The following TRAPPC9 variants were observed in gnomAD, a reference collection of about 807,000 sequenced individuals.
TRAPPC9 encodes trafficking protein particle complex subunit 9.
A neutral mutation model predicts 124.0 loss-of-function variants in TRAPPC9; 83 were observed. That is an observed-to-expected ratio of 0.67 (90% confidence interval 0.56 to 0.80). The LOEUF (loss-of-function observed/expected upper bound fraction) is 0.80, where lower values mean the gene tolerates loss of function less well. TRAPPC9 is among the 30% of genes least tolerant of loss of function. TRAPPC9 has a pLI of 0.00. For synonymous variants in TRAPPC9, 638 were observed against 617.5 expected, an observed-to-expected ratio of 1.03 and a Z score of -0.49; for missense variants, 1,302 against 1,508.3, an observed-to-expected ratio of 0.86 and a Z score of 2.27.
rs1208660556 is a variant in TRAPPC9, at chr8:140,300,576, G to A, written c.1661C>T (p.Pro554Leu). 5.6e-6 allele frequency: 9 copies of A among 1,614,226 alleles called. No homozygotes were observed. The highest frequency in any genetic ancestry group is 7.6e-6 in the Non-Finnish European group (9 of 1,180,042). Residue 554 changes from proline to leucine, a missense_variant, in exon 11 of 23, where the codon CCA (proline) becomes CTA (leucine). Around this residue, in one of 3 missense-constraint regions of TRAPPC9, gnomAD observed 657 missense variants for 811.2 expected, o/e 0.81. Transcript: ENST00000438773. ...ACCCAGCAAGCTTTTCATTTTGTGT[G>A]GCCGGAGGCTAGCAGGAAGGTTCAA... ...KLLNLPASLR[P>L]HKMKSLLGQN... is the part of the protein sequence containing the mutation.
At position 140,225,617 on chromosome 8, in the gene TRAPPC9, CCA is replaced by C. The variant is rs1255556665; in HGVS notation, c.2432-4036_2432-4035del. Among the ~76,000 whole-genome samples the C allele has an allele frequency of 3.9e-5, 6 of 152,300 alleles. No individual in the cohort carries two copies. The East Asian group carries it at 9.6e-4, about 24-fold the overall frequency. On this transcript the variant is annotated intron_variant, in intron 16 of 22. Coordinates refer to ENST00000438773, the MANE Select transcript of TRAPPC9 (RefSeq NM_001160372.4). ...CAGAGCCATGTGCAAAACGTAAACT[CCA>C]CATTTCTCTAGCATGTTACCCCAGG...
In TRAPPC9 at chr8:139,961,361, C is replaced by G; in HGVS notation, c.2810+27365G>C. Among the ~76,000 whole-genome samples the G allele has an allele frequency of 1.6e-5, 2 of 123,874 alleles. 1 individual carries two copies. Among genetic ancestry groups the G allele is most frequent in the Non-Finnish European group, 3.9e-5 (2 of 51,744 alleles). The allele number at this position is 123,874 out of a possible 152,430, so 81.3% of individuals were successfully genotyped here. Reference sequence around the variant, plus strand: ...ATACTCCATGGAGCCAGTGAGAGCCCCACCCCTTCTGAATTGGAGTGGGAG... The same window carrying G: ...ATACTCCATGGAGCCAGTGAGAGCCGCACCCCTTCTGAATTGGAGTGGGAG... On this transcript the variant is annotated intron_variant, in intron 19 of 22. Coordinates refer to ENST00000438773, the MANE Select transcript of TRAPPC9 (RefSeq NM_001160372.4).
chr8:140,082,478 A>C (rs765483916), intron 17 of TRAPPC9, among the ~76,000 whole-genome samples: 1 of 152,238 alleles, frequency 6.6e-6, no homozygotes, highest in Non-Finnish European at 1.5e-5. Context: ...TGAGAGGCGA[A>C]AGTGCCACCA....
chr8:139,896,396 G>C (rs556062330), intron 20 of TRAPPC9, among the ~76,000 whole-genome samples: 1 of 152,286 alleles, frequency 6.6e-6, no homozygotes, highest in South Asian at 2.1e-4. Context: ...TGCTGTGAAG[G>C]ATGCCCTGGG....
chr8:140,418,860 T>C (rs749974855), intron 5 of TRAPPC9, among the ~76,000 whole-genome samples: 1 of 152,138 alleles, frequency 6.6e-6, no homozygotes, highest in African/African-American at 2.4e-5. Flanking sequence ...TACAACATGA[T>C]CAAGTGGGAT....
intron 9 of TRAPPC9, among the ~76,000 whole-genome samples, chr8:140,342,515 T>A (rs1379215696): frequency 6.6e-6 from 1 of 152,200 alleles, no homozygotes; most frequent in African/African-American, 2.4e-5. Flanking sequence ...CTGCTGGGGT[T>A]TTATTCAATC....
rs969579465 is a variant in TRAPPC9, at chr8:139,742,316, C to T, written c.3056-10114G>A. 6.6e-6 allele frequency among the ~76,000 whole-genome samples: 1 copy of T among 152,254 alleles called. No homozygotes were observed. The highest frequency in any genetic ancestry group is 1.5e-5 in the Non-Finnish European group (1 of 68,048). ...GCTCCCTGTGCAGACAGCCCAGCTT[C>T]GCCCCACCAGCCTGGGACAGCTGTT... On this transcript the variant is annotated intron_variant, in intron 21 of 22. Transcript: ENST00000438773. The surrounding 1 kb of genome is among the most constrained non-coding windows in gnomAD (Gnocchi z 4.7).
intron 21 of TRAPPC9, among the ~76,000 whole-genome samples, chr8:139,855,924 T>G (rs983070454): frequency 5.9e-5 from 9 of 152,194 alleles, no homozygotes; most frequent in African/African-American, 2.2e-4. Context: ...CAGTGAGGCC[T>G]GGTAAAAAGC....
At chr8:139,871,645 T>A (rs554566819) in intron 21 of TRAPPC9, among the ~76,000 whole-genome samples, 46 of 152,288 alleles carry the variant, frequency 3.0e-4, no homozygotes, top group African/African-American at 8.9e-4. Context: ...AAAAGATGTC[T>A]CTTAAAGAAA....
chr8:139,774,188 GC>G lies in TRAPPC9; in HGVS notation c.3056-41987del, dbSNP rs1563803548. Among the ~76,000 whole-genome samples the G allele has an allele frequency of 5.9e-5, 9 of 152,354 alleles. 1 individual carries two copies. The South Asian group carries it at 1.9e-3, about 32-fold the overall frequency. ...CCTGCCCTGAGTGAGACAGAAGTCG[GC>G]ATGGGCTGAGCAGAGGGTCATAGAT... is the stretch of plus-strand genomic sequence containing the variant. On this transcript the variant is annotated intron_variant, in intron 21 of 22. Transcript: ENST00000438773.
chr8:140,451,688 T>C (rs950316743), intron 1 of TRAPPC9, among the ~76,000 whole-genome samples: 3 of 152,174 alleles, frequency 2.0e-5, no homozygotes, highest in African/African-American at 7.2e-5. Context: ...AAATGTCTGT[T>C]GAGTGAATGA....
rs545356048 is a variant in TRAPPC9 at position 139,853,936 on chromosome 8, T to C, written c.3055+31943A>G. 5.3e-5 allele frequency among the ~76,000 whole-genome samples: 8 copies of C among 152,368 alleles called. No individual in the cohort carries two copies. In the East Asian group the frequency reaches 1.2e-3, roughly 22 times the overall value. On this transcript the variant is annotated intron_variant, in intron 21 of 22. Coordinates refer to ENST00000438773, the MANE Select transcript of TRAPPC9 (RefSeq NM_001160372.4). ...TACCTACATATGTGTAGTTATCACATACATGTGTATACCATACGTATATAA... is the reference window on the plus strand; with the variant it reads ...TACCTACATATGTGTAGTTATCACACACATGTGTATACCATACGTATATAA...
At chr8:139,898,486 A>G (rs1375708104) in intron 20 of TRAPPC9, among the ~76,000 whole-genome samples, 1 of 152,222 alleles carries the variant, frequency 6.6e-6, no homozygotes, top group African/African-American at 2.4e-5. Flanking sequence ...GCAAGGCCAC[A>G]GTTTATCAGC....
chr8:139,925,605 G>A lies in TRAPPC9; in HGVS notation c.2811-15305C>T, dbSNP rs376720587. ...TCTACTAACAATACAAAAACTAGCT[G>A]GGTGTGGTAGTGCACGCCTGTAATC... On this transcript the variant is annotated intron_variant, in intron 19 of 22. Coordinates refer to ENST00000438773, the MANE Select transcript of TRAPPC9 (RefSeq NM_001160372.4). 2.6e-3 allele frequency among the ~76,000 whole-genome samples: 392 copies of A among 152,090 alleles called. 4 individuals carry two copies. Among genetic ancestry groups the A allele is most frequent in the African/African-American group, 8.3e-3 (343 of 41,480 alleles).
intron 9 of TRAPPC9, among the ~76,000 whole-genome samples, chr8:140,320,981 G>T (rs2066576577): frequency 6.6e-6 from 1 of 152,234 alleles, no homozygotes; most frequent in Admixed American, 6.5e-5. Context: ...TAGCAGAACA[G>T]CACTCCCATC....
At chr8:140,205,407 TAAAAGCATC>T (rs2062896217) in intron 17 of TRAPPC9, among the ~76,000 whole-genome samples, 1 of 152,252 alleles carries the variant, frequency 6.6e-6, no homozygotes, top group Non-Finnish European at 1.5e-5. Flanking sequence ...CATTCATCAC[TAAAAGCATC>T]ATTTACAAAG....
chr8:140,150,466 C>G (rs986620385), intron 17 of TRAPPC9, among the ~76,000 whole-genome samples: 1 of 152,172 alleles, frequency 6.6e-6, no homozygotes, highest in Non-Finnish European at 1.5e-5. Flanking sequence ...ACAAAATTAT[C>G]TCATTTAATC....
At chr8:139,999,515 C>A (rs923835368) in intron 18 of TRAPPC9, among the ~76,000 whole-genome samples, 7 of 151,948 alleles carry the variant, frequency 4.6e-5, no homozygotes, top group African/African-American at 1.7e-4. Flanking sequence ...TGATAGAACA[C>A]AGACATGAAA....
At chr8:139,998,648 G>C (rs1285706233) in intron 18 of TRAPPC9, among the ~76,000 whole-genome samples, 17 of 152,180 alleles carry the variant, frequency 1.1e-4, no homozygotes, top group Admixed American at 1.1e-3. Context: ...TGTGAAACCA[G>C]GAGGCAGAGC....
Sources: allele counts gnomAD v4.1 joint callset (sites outside exome capture counted in the v4.1 genomes callset), GRCh38; gene constraint gnomAD v4.1.1; regional missense constraint gnomAD v4.1.1; non-coding constraint Gnocchi (gnomAD v3.1); transcripts MANE v1.5; gene names NCBI Gene and HGNC (gene_info 2026-07-23, HGNC 2026-07-21).